Variants in ARHGAP28 observed in about 807,000 individuals in gnomAD.
ARHGAP28 encodes Rho GTPase activating protein 28, also known as rho GTPase-activating protein 28.
ARHGAP28 carries 56 observed loss-of-function variants against 90.7 expected under a neutral mutation model. That is an observed-to-expected ratio of 0.62 (90% confidence interval 0.50 to 0.77). ARHGAP28 has a LOEUF of 0.77. Ranked by LOEUF, ARHGAP28 falls within the 30% of genes least tolerant of loss-of-function variation. The probability of loss-of-function intolerance (pLI) is 0.00; values close to 1 mark genes in which losing one functional copy is unlikely to be tolerated. For missense variants in ARHGAP28, 869 were observed against 900.9 expected (o/e 0.96, Z 0.45); for synonymous variants, 308 against 323.3 (o/e 0.95, Z 0.51).
chr18:6,898,805 G>A (rs144293719), intron 16 of ARHGAP28: 37 of 1,141,784 alleles, frequency 3.2e-5, no homozygotes, highest in Middle Eastern at 3.6e-4. Flanking sequence ...AACATCATAT[G>A]TTCTCACTCG....
At chr18:6,910,993 CAT>C (rs2057395317) in intron 17 of ARHGAP28, among the ~76,000 whole-genome samples, 1 of 151,686 alleles carries the variant, frequency 6.6e-6, no homozygotes, top group Non-Finnish European at 1.5e-5. Flanking sequence ...TACAGGCGCC[CAT>C]CACCACGCCC....
In ARHGAP28 at chr18:6,741,324, T is replaced by C. The variant is rs560992379; in HGVS notation, c.122+11381T>C. ...CTCCCTCCTCATTTATAAGGCTCTG[T>C]GATTACAAGGTCGACTTGGCAACTG... On this transcript the variant is annotated intron_variant, in intron 1 of 17. Coordinates refer to ENST00000383472, the MANE Select transcript of ARHGAP28 (RefSeq NM_001366230.1). Among the ~76,000 whole-genome samples the C allele has an allele frequency of 1.1e-4, 16 of 152,276 alleles. No individual in the cohort carries two copies. The South Asian group carries it at 2.5e-3, about 24-fold the overall frequency.
intron 10 of ARHGAP28, among the ~76,000 whole-genome samples, chr18:6,877,763 T>C (rs1311441309): frequency 6.6e-6 from 1 of 152,282 alleles, no homozygotes; most frequent in East Asian, 1.9e-4. Flanking sequence ...TACATACTCT[T>C]CTAAAAAAAT....
intron 3 of ARHGAP28, among the ~76,000 whole-genome samples, chr18:6,841,184 TCTCTCTCTCTCTCTCTCTCCTCTC>T (rs1323392670): frequency 8.8e-4 from 48 of 54,356 alleles, no homozygotes; most frequent in East Asian, 3.1e-3. Context: ...CTCTCTCCTC[TCTCTCTCTCTCTCTCTCTCCTCTC>T]CTCTCTCTCT....
intron 1 of ARHGAP28, among the ~76,000 whole-genome samples, chr18:6,768,721 T>C (rs1336745039): frequency 6.6e-6 from 1 of 152,180 alleles, no homozygotes; most frequent in Non-Finnish European, 1.5e-5. Context: ...AGATACTTTT[T>C]CTTCCAAATT....
chr18:6,833,827 C>T (rs1020912378), intron 2 of ARHGAP28, among the ~76,000 whole-genome samples: 1 of 152,224 alleles, frequency 6.6e-6, no homozygotes, highest in East Asian at 1.9e-4. Context: ...CCACTCTACA[C>T]CAAGTTATTT....
intron 4 of ARHGAP28, among the ~76,000 whole-genome samples, chr18:6,852,703 T>C (rs1029743043): frequency 2.6e-5 from 4 of 152,232 alleles, no homozygotes; most frequent in Admixed American, 1.3e-4. Flanking sequence ...ATCCTTATTC[T>C]TACAGGATGG....
rs1207296902 is a variant in ARHGAP28, at chr18:6,868,179, A to G, written c.756A>G (p.Pro252=). 2.5e-6 allele frequency: 4 copies of G among 1,614,036 alleles called. No individual in the cohort carries two copies. Among genetic ancestry groups the G allele is most frequent in the Non-Finnish European group, 2.5e-6 (3 of 1,180,008 alleles). ...VAILETIPVL[P]VHSNGSPEPG... is the part of the protein sequence containing the mutation. ...TACTTGAGACCATTCCAGTTCTACC[A>G]GTTCATTCCAATGGATCACCGGAGC... The change falls in exon 6 of 18, where the codon CCA becomes CCG. Residue 252 remains proline, a synonymous_variant. Transcript: ENST00000383472.
intron 5 of ARHGAP28, among the ~76,000 whole-genome samples, chr18:6,860,589 G>C (rs956299087): frequency 8.5e-5 from 13 of 152,162 alleles, no homozygotes; most frequent in African/African-American, 2.9e-4. Context: ...TAGCACAACA[G>C]CCACTCAGAT....
intron 16 of ARHGAP28, among the ~76,000 whole-genome samples, chr18:6,901,235 A>G (rs1404080952): frequency 1.3e-5 from 2 of 152,244 alleles, no homozygotes; most frequent in Non-Finnish European, 2.9e-5. Flanking sequence ...GCTATAAACT[A>G]TCCTACTTCT....
chr18:6,757,006 C>T (rs923878774), intron 1 of ARHGAP28, among the ~76,000 whole-genome samples: 6 of 152,166 alleles, frequency 3.9e-5, no homozygotes, highest in Non-Finnish European at 5.9e-5. Context: ...TCTCTTTTGG[C>T]AACACCCTCA....
At chr18:6,887,870 A>C (rs1370974268) in intron 12 of ARHGAP28, among the ~76,000 whole-genome samples, 3 of 152,178 alleles carry the variant, frequency 2.0e-5, no homozygotes, top group Non-Finnish European at 4.4e-5. Context: ...AGTCAATAAG[A>C]CCATTATGTA....
chr18:6,787,748 C>A (rs1215494020), intron 1 of ARHGAP28, among the ~76,000 whole-genome samples: 1 of 152,146 alleles, frequency 6.6e-6, no homozygotes, highest in African/African-American at 2.4e-5. Flanking sequence ...CCAATGTTAT[C>A]ATTCTCTATT....
At chr18:6,795,629 A>G (rs548128884) in intron 1 of ARHGAP28, among the ~76,000 whole-genome samples, 2 of 152,292 alleles carry the variant, frequency 1.3e-5, no homozygotes, top group East Asian at 3.9e-4. Context: ...GCTCTATGTC[A>G]CTGTGGCTGT....
chr18:6,847,410 T>A (rs914922409), intron 3 of ARHGAP28, among the ~76,000 whole-genome samples: 1 of 152,200 alleles, frequency 6.6e-6, no homozygotes, highest in African/African-American at 2.4e-5. Context: ...TTCACAGAAC[T>A]TCTTCTCTCT....
At chr18:6,884,303 G>A (rs534134541) in intron 11 of ARHGAP28, among the ~76,000 whole-genome samples, 6 of 152,280 alleles carry the variant, frequency 3.9e-5, no homozygotes, top group South Asian at 2.1e-4. Context: ...CAACCCAGGC[G>A]GTGGAGCTTA....
intron 16 of ARHGAP28, chr18:6,897,067 A>G (rs537907610): frequency 1.6e-4 from 25 of 154,482 alleles, no homozygotes; most frequent in Non-Finnish European, 3.2e-4. Flanking sequence ...CACGCACCAC[A>G]TGCCTGGCTA....
At position 6,896,513 on chromosome 18, in the gene ARHGAP28, G is replaced by A. The variant is rs773908956; in HGVS notation, c.1917G>A (p.Pro639=). The stretch of plus-strand genomic sequence containing the variant: ...CTCCTCCTTGGCAGTCTGACGTGCC[G>A]GAAGGAGTCATACGGGTCCATGCTC... ...SPSARRMSDV[P]EGVIRVHAPL... is the part of the protein sequence containing the mutation. The change falls in exon 16 of 18, where the codon CCG becomes CCA. Residue 639 remains proline, a synonymous_variant. Transcript: ENST00000383472. 42 of 1,613,850 alleles carry A rather than the reference G, an allele frequency of 2.6e-5. 1 individual carries two copies. The East Asian group carries it at 4.2e-4, about 16-fold the overall frequency.
In ARHGAP28 at chr18:6,824,796, A is replaced by G; in HGVS notation, c.157A>G (p.Met53Val). Residue 53 changes from methionine (M) to valine (V), a missense_variant, in exon 2 of 18, where the codon ATG (methionine) becomes GTG (valine). Physicochemically the swap from Met to Val is conservative, Grantham distance 21 (BLOSUM62 1). Transcript: ENST00000383472. ...SIPRCRRINR[M>V]LSNESLHPPA... The stretch of plus-strand genomic sequence containing the variant: ...TCCTCGCTGCCGAAGAATTAACAGG[A>G]TGCTCTCCAATGAATCCCTCCATCC... 1 of 1,535,994 alleles carries G rather than the reference A, an allele frequency of 6.5e-7. No individual in the cohort carries two copies. The highest frequency in any genetic ancestry group is 8.7e-7 in the Non-Finnish European group (1 of 1,146,744).
Sources: gnomAD v4.1 joint callset for allele counts (sites outside exome capture counted in the v4.1 genomes callset) on GRCh38, gnomAD v4.1.1 for gene constraint, MANE v1.5 for transcripts, NCBI Gene and HGNC (gene_info 2026-07-23, HGNC 2026-07-21) for gene names.